Variants in CWF19L1 observed in about 807,000 individuals in gnomAD.
CWF19L1 encodes CWF19-like protein 1.
CWF19L1 carries 60 observed loss-of-function variants against 69.7 expected under a neutral mutation model. That is an observed-to-expected ratio of 0.86 (90% CI 0.70 to 1.07). The LOEUF is 1.07. Among genes scored for constraint, CWF19L1 ranks in the 50% least tolerant of loss-of-function variants. The pLI is 0.00. For synonymous variants in CWF19L1, 209 were observed against 222.2 expected (o/e 0.94, Z 0.53); for missense variants, 591 against 638.9 (o/e 0.92, Z 0.81).
chr10:100,253,376 A>G lies in CWF19L1; in HGVS notation c.623+45T>C, dbSNP rs781688370. 3 of 1,142,488 alleles carry G rather than the reference A, an allele frequency of 2.6e-6. No individual in the cohort carries two copies. The East Asian group carries it at 7.0e-5, about 27-fold the overall frequency. 70.8% of individuals were successfully genotyped at this position (1,142,488 alleles called of 1,614,324 possible). ...CAAGAGAAGTTTATACAGAAGATCC[A>G]TGGCAAATTCTTCAAAAAGCCAAGA... On this transcript the variant is annotated intron_variant, in intron 6 of 13. Transcript: ENST00000354105.
intron 11 of CWF19L1, 38 bp from the exon 12 acceptor site, chr10:100,237,007 G>A (rs1162069732): frequency 6.5e-7 from 1 of 1,543,642 alleles, no homozygotes. Context: ...CCTTGTGCAG[G>A]TCCCAGAGAA....
Position 100,245,817 on chromosome 10 carries a change from T to G in CWF19L1, c.946A>C (p.Lys316Gln), listed in dbSNP as rs879255653. ...TACTTACGAGGTTTGCGAGGCTGCT[T>G]TGGATGAGGAGAAGATTTGCTATCT... ...GRDSKSSPHPKQPRKPPQPPG... is the reference protein window; with the variant it reads ...GRDSKSSPHPQQPRKPPQPPG... The change falls in exon 9 of 14, where the codon AAG becomes CAG. Residue 316 changes from lysine to glutamine, a missense_variant. Physicochemically the swap from Lys to Gln is moderately conservative, Grantham distance 53 (BLOSUM62 1). Around this residue, in one of 3 missense-constraint regions of CWF19L1, gnomAD observed 458 missense variants for 489.3 expected, o/e 0.94. Transcript: ENST00000354105. 1 of 1,613,962 alleles carries G rather than the reference T, an allele frequency of 6.2e-7. No individual in the cohort carries two copies. The highest frequency in any genetic ancestry group is 1.1e-5 in the South Asian group (1 of 91,068).
intron 13 of CWF19L1, among the ~76,000 whole-genome samples, chr10:100,234,398 A>G (rs1366613063): frequency 6.6e-6 from 1 of 152,198 alleles, no homozygotes; most frequent in Admixed American, 6.5e-5. Flanking sequence ...TAAGCACAAA[A>G]CCATTCAGAG....
intron 9 of CWF19L1, among the ~76,000 whole-genome samples, chr10:100,244,398 T>C (rs12243800): frequency 0.21 from 32,217 of 152,118 alleles, 6,342 homozygotes; most frequent in African/African-American, 0.52. Flanking sequence ...CTCTGTCGCC[T>C]AGGGTGGAGT....
At position 100,243,759 on chromosome 10, in the gene CWF19L1, C is replaced by G. The variant is rs759643591; in HGVS notation, c.983G>C (p.Cys328Ser). Residue 328 changes from cysteine to serine, a missense_variant, in exon 10 of 14, where the codon TGC becomes TCC. Physicochemically the swap from Cys to Ser is moderately radical, Grantham distance 112 (BLOSUM62 -1). This residue lies in a region of CWF19L1 where 458 missense variants were observed against 489.3 expected (regional missense o/e 0.94). Coordinates refer to ENST00000354105, the MANE Select transcript of CWF19L1 (RefSeq NM_018294.6). Reference protein sequence around the residue: ...PRKPPQPPGPCWFCLASPEVE... With the variant: ...PRKPPQPPGPSWFCLASPEVE... ...TTCAGGGCTAGCAAGGCAAAACCAG[C>G]AGGGTCCTGGAGGCTGAGCTTCATG... 3.1e-6 allele frequency: 5 copies of G among 1,614,120 alleles called. No individual in the cohort carries two copies. The highest frequency in any genetic ancestry group is 2.5e-6 in the Non-Finnish European group (3 of 1,179,958).
At chr10:100,260,585 C>T (rs1847367332) in intron 3 of CWF19L1, among the ~76,000 whole-genome samples, 1 of 151,524 alleles carries the variant, frequency 6.6e-6, no homozygotes, top group South Asian at 2.1e-4. Context: ...TGCAGTGGTG[C>T]AATCTCGGCT....
chr10:100,245,737 A>G, intron 9 of CWF19L1, 62 bp downstream of exon 9: 1 of 1,351,288 alleles, frequency 7.4e-7, no homozygotes, highest in South Asian at 1.2e-5. Flanking sequence ...GCTGCTTTCC[A>G]AAGAAAAGCC....
chr10:100,242,623 G>A (rs1171699967), intron 10 of CWF19L1, among the ~76,000 whole-genome samples: 1 of 149,344 alleles, frequency 6.7e-6, no homozygotes, highest in Non-Finnish European at 1.5e-5. Flanking sequence ...GCAGTGAACT[G>A]AGATCACGCC....
intron 12 of CWF19L1, among the ~76,000 whole-genome samples, chr10:100,236,572 C>T (rs1469774413): frequency 6.6e-6 from 1 of 152,120 alleles, no homozygotes; most frequent in Non-Finnish European, 1.5e-5. Context: ...GAGTTCGAGA[C>T]CAGCCTGGCC....
At chr10:100,248,461 TTGAC>T (rs1299280890) in intron 7 of CWF19L1, 7 of 679,988 alleles carry the variant, frequency 1.0e-5, no homozygotes, top group Non-Finnish European at 1.6e-5. Context: ...CCTATTATCT[TTGAC>T]TGCTGTTCTT....
chr10:100,265,964 C>G (rs1379373473), intron 1 of CWF19L1, among the ~76,000 whole-genome samples: 2 of 152,162 alleles, frequency 1.3e-5, no homozygotes, highest in African/African-American at 4.8e-5. Context: ...CCATCTAGGT[C>G]TCTGGAAGTA....
At chr10:100,256,151 A>G (rs1168750451) in intron 5 of CWF19L1, 111 bp downstream of exon 5, 2 of 778,640 alleles carry the variant, frequency 2.6e-6, no homozygotes, top group East Asian at 2.5e-5. Flanking sequence ...GACTTCTAAT[A>G]AAAGGTACCC....
In CWF19L1 at chr10:100,243,903, G is replaced by C. The variant is rs985194221; in HGVS notation, c.965-126C>G. Reference sequence around the variant, plus strand: ...ACTGGTATACAACACTGCCACAATGGGCTGAGCCTGTGCTCCTCACTACGA... The same window carrying C: ...ACTGGTATACAACACTGCCACAATGCGCTGAGCCTGTGCTCCTCACTACGA... On this transcript the variant is annotated intron_variant, in intron 9 of 13. Transcript: ENST00000354105. 5.5e-6 allele frequency: 4 copies of C among 732,862 alleles called. No individual in the cohort carries two copies. In the African/African-American group the frequency reaches 7.0e-5, roughly 13 times the overall value. The allele number at this position is 732,862 out of a possible 1,614,324, so 45.4% of individuals were successfully genotyped here.
intron 7 of CWF19L1, 118 bp from the exon 8 acceptor site, chr10:100,247,053 A>G (rs1846849664): frequency 1.1e-6 from 1 of 929,326 alleles, no homozygotes. Context: ...AATTAAAAGA[A>G]CAGCAACCAG....
intron 6 of CWF19L1, among the ~76,000 whole-genome samples, chr10:100,251,505 CTTTT>C (rs1208146959): frequency 5.7e-5 from 5 of 88,306 alleles, no homozygotes; most frequent in East Asian, 3.4e-4. Context: ...GTCTATTGGC[CTTTT>C]TTTTTTTTTT....
Position 100,260,189 on chromosome 10 carries a change from A to AC in CWF19L1, c.289+28_289+29insG, listed in dbSNP as rs1489174440. 5 of 1,478,046 alleles carry AC rather than the reference A, an allele frequency of 3.4e-6. No individual in the cohort carries two copies. In the African/African-American group the frequency reaches 5.7e-5, roughly 17 times the overall value. The allele number at this position is 1,478,046 out of a possible 1,614,324, so 91.6% of individuals were successfully genotyped here. On this transcript the variant is annotated intron_variant, in intron 4 of 13. Coordinates refer to ENST00000354105, the MANE Select transcript of CWF19L1 (RefSeq NM_018294.6). ...TCTCAAAAACAAAAAACAAAAAACA[A>AC]AAAAAAAATACAACAAGTATCAGCT...
chr10:100,244,145 G>T (rs1019018730), intron 9 of CWF19L1, among the ~76,000 whole-genome samples: 1 of 152,122 alleles, frequency 6.6e-6, no homozygotes, highest in Non-Finnish European at 1.5e-5. Flanking sequence ...CCCTCCCAAG[G>T]TCAGCTTCTT....
chr10:100,248,385 T>C (rs535765933), intron 7 of CWF19L1: 1 of 778,032 alleles, frequency 1.3e-6, no homozygotes, highest in African/African-American at 1.7e-5. Flanking sequence ...CTTTGACCGA[T>C]TCCATGGAGT....
intron 6 of CWF19L1, among the ~76,000 whole-genome samples, chr10:100,251,573 G>A (rs144534303): frequency 0.075 from 10,791 of 144,596 alleles, 533 homozygotes; most frequent in African/African-American, 0.14. Context: ...GTGCAGTGGC[G>A]CGATCTCTGC....
Sources: allele counts gnomAD v4.1 joint callset (sites outside exome capture counted in the v4.1 genomes callset), GRCh38; gene constraint gnomAD v4.1.1; regional missense constraint gnomAD v4.1.1; transcripts MANE v1.5; gene names NCBI Gene and HGNC (gene_info 2026-07-23, HGNC 2026-07-21).